MACROD2: variants seen among roughly 807,000 people sequenced by gnomAD.
MACROD2 encodes the protein ADP-ribose glycohydrolase MACROD2.
A neutral mutation model predicts 70.4 loss-of-function variants in MACROD2; 36 were observed. The ratio of observed to expected loss-of-function variants is 0.51; its 90% CI spans 0.39 to 0.68. The LOEUF (loss-of-function observed/expected upper bound fraction) is 0.68. Among genes scored for constraint, MACROD2 ranks in the 30% least tolerant of loss-of-function variants. The pLI, the probability that MACROD2 is intolerant of heterozygous loss-of-function variation, is 0.00. For synonymous variants in MACROD2, 172 were observed against 178.8 expected (o/e 0.96, Z 0.30); for missense variants, 496 against 538.4 (o/e 0.92, Z 0.78).
chr20:14,157,079 T>G (rs1234818820), intron 3 of MACROD2, among the ~76,000 whole-genome samples: 1 of 152,156 alleles, frequency 6.6e-6, no homozygotes, highest in Non-Finnish European at 1.5e-5. Flanking sequence ...TGAAATTAGG[T>G]GATTGACTTT....
chr20:16,044,690 C>A, intron 17 of MACROD2, 51 bp downstream of exon 17: 1 of 1,528,152 alleles, frequency 6.5e-7, no homozygotes, highest in Non-Finnish European at 9.1e-7. Flanking sequence ...GCCATAAGAA[C>A]TATTTGCAAA....
intron 5 of MACROD2, among the ~76,000 whole-genome samples, chr20:15,021,396 A>G (rs551776478): frequency 7.4e-5 from 11 of 148,866 alleles, no homozygotes; most frequent in Admixed American, 1.3e-4. Context: ...GTATATATAC[A>G]TATATGTGTA....
intron 9 of MACROD2, 80 bp downstream of exon 9, chr20:15,862,906 C>A: frequency 9.4e-7 from 1 of 1,061,418 alleles, no homozygotes; most frequent in South Asian, 1.5e-5. Context: ...TATTGTTTTT[C>A]ATCTTCAGGA....
chr20:16,012,180 T>G (rs2066872583), intron 15 of MACROD2, among the ~76,000 whole-genome samples: 1 of 152,172 alleles, frequency 6.6e-6, no homozygotes, highest in Non-Finnish European at 1.5e-5. Flanking sequence ...AAATGAGAAG[T>G]GGGCACAAAG....
chr20:14,376,098 A>G (rs1203587955), intron 3 of MACROD2, among the ~76,000 whole-genome samples: 1 of 152,192 alleles, frequency 6.6e-6, no homozygotes, highest in African/African-American at 2.4e-5. Flanking sequence ...CCTTGCTTTT[A>G]GATTTCTTGC....
At chr20:15,599,116 C>T (rs946753386) in intron 8 of MACROD2, among the ~76,000 whole-genome samples, 10 of 151,964 alleles carry the variant, frequency 6.6e-5, no homozygotes, top group Admixed American at 3.9e-4. Context: ...CGTGGTGGCT[C>T]ATGCCTGTAA....
At chr20:14,897,118 T>C (rs979716065) in intron 5 of MACROD2, among the ~76,000 whole-genome samples, 2 of 152,240 alleles carry the variant, frequency 1.3e-5, no homozygotes, top group Middle Eastern at 3.4e-3. Context: ...CTTTGAGAAT[T>C]GGAAGGCCTG....
At chr20:14,712,845 T>C (rs1394296253) in intron 5 of MACROD2, among the ~76,000 whole-genome samples, 1 of 152,170 alleles carries the variant, frequency 6.6e-6, no homozygotes, top group African/African-American at 2.4e-5. Context: ...TGTTGGACAA[T>C]AGGAAGGGAA....
chr20:15,556,761 AT>A (rs1269683480), intron 8 of MACROD2, among the ~76,000 whole-genome samples: 1 of 152,188 alleles, frequency 6.6e-6, no homozygotes, highest in Non-Finnish European at 1.5e-5. Flanking sequence ...AACTCAATAC[AT>A]TGTGGGATTC....
Position 14,327,339 on chromosome 20 carries a change from T to C in MACROD2, c.272-166140T>C, listed in dbSNP as rs747471684. ...GGTAGAGAGTTGTAGCATCCTCTGG[T>C]ATTCCTGTTGGAATGGATGTCAGAA... On this transcript the variant is annotated intron_variant, in intron 3 of 17. Coordinates refer to ENST00000684519, the MANE Select transcript of MACROD2 (RefSeq NM_001351661.2). 13 of 1,613,674 alleles carry C rather than the reference T, an allele frequency of 8.1e-6. No homozygotes were observed. In the Admixed American group the frequency reaches 8.3e-5, roughly 10 times the overall value.
chr20:14,765,885 T>A (rs2072081415), intron 5 of MACROD2, among the ~76,000 whole-genome samples: 1 of 151,996 alleles, frequency 6.6e-6, no homozygotes, highest in African/African-American at 2.4e-5. Context: ...GAAAACCTTA[T>A]GAAAACCTGC....
At chr20:14,829,140 T>C (rs2072935202) in intron 5 of MACROD2, among the ~76,000 whole-genome samples, 1 of 148,420 alleles carries the variant, frequency 6.7e-6, no homozygotes, top group African/African-American at 2.5e-5. Flanking sequence ...TTTTTTTTTT[T>C]TTTTTTTGAG....
chr20:15,775,187 A>C (rs1316660477), intron 8 of MACROD2, among the ~76,000 whole-genome samples: 3 of 152,138 alleles, frequency 2.0e-5, no homozygotes, highest in Admixed American at 2.0e-4. Flanking sequence ...TAGAAGAAAC[A>C]TGCACAGATC....
At chr20:14,735,259 T>C (rs893278342) in intron 5 of MACROD2, among the ~76,000 whole-genome samples, 3 of 152,032 alleles carry the variant, frequency 2.0e-5, no homozygotes, top group Non-Finnish European at 4.4e-5. Context: ...ATCTAGAATA[T>C]ATAAAGGACA....
chr20:15,551,752 C>T (rs1199810015), intron 8 of MACROD2, among the ~76,000 whole-genome samples: 1 of 151,380 alleles, frequency 6.6e-6, no homozygotes, highest in Non-Finnish European at 1.5e-5. Flanking sequence ...CCTGTGGTCC[C>T]AGCTGCTTTG....
At chr20:14,764,987 G>T (rs1478038431) in intron 5 of MACROD2, among the ~76,000 whole-genome samples, 1 of 152,056 alleles carries the variant, frequency 6.6e-6, no homozygotes, top group East Asian at 1.9e-4. Context: ...GCAAACAATG[G>T]CAGTGAACTG....
At chr20:15,716,387 G>A (rs1600800584) in intron 8 of MACROD2, among the ~76,000 whole-genome samples, 1 of 152,070 alleles carries the variant, frequency 6.6e-6, no homozygotes, top group Non-Finnish European at 1.5e-5. Context: ...ATATGTGTTC[G>A]CATTTTGATT....
intron 15 of MACROD2, among the ~76,000 whole-genome samples, chr20:15,988,524 C>T (rs538870452): frequency 5.9e-5 from 9 of 152,182 alleles, no homozygotes; most frequent in South Asian, 2.1e-4. Context: ...AGCTGGCATT[C>T]GGCACATTGA....
intron 12 of MACROD2, among the ~76,000 whole-genome samples, chr20:15,955,657 A>T (rs1190799053): frequency 6.6e-6 from 1 of 152,226 alleles, no homozygotes; most frequent in African/African-American, 2.4e-5. Flanking sequence ...GTCCAGTAGA[A>T]ATAAATGTGA....
Sources: gnomAD v4.1 joint callset for allele counts (sites outside exome capture counted in the v4.1 genomes callset) on GRCh38, gnomAD v4.1.1 for gene constraint, MANE v1.5 for transcripts, NCBI Gene and HGNC (gene_info 2026-07-23, HGNC 2026-07-21) for gene names.